The following FER variants were observed in gnomAD, a reference collection of about 807,000 sequenced individuals.
FER encodes tyrosine-protein kinase Fer.
A neutral mutation model predicts 111.0 loss-of-function variants in FER; 63 were observed. The observed-to-expected ratio is 0.57, with a 90% CI of 0.46 to 0.70. The LOEUF (loss-of-function observed/expected upper bound fraction) is 0.70. FER is among the 30% of genes least tolerant of loss of function. The pLI is 0.00. For missense variants in FER, 914 were observed against 954.0 expected, an observed-to-expected ratio of 0.96 and a Z score of 0.55; for synonymous variants, 327 against 313.9, an observed-to-expected ratio of 1.04 and a Z score of -0.44.
chr5:109,186,542 C>T (rs1276436173), intron 19 of FER, among the ~76,000 whole-genome samples: 1 of 152,158 alleles, frequency 6.6e-6, no homozygotes, highest in East Asian at 1.9e-4. Flanking sequence ...TTTTCTTCCA[C>T]CCTTTCCCTG....
chr5:108,817,986 A>T (rs1758454022), intron 3 of FER: 1 of 152,130 alleles, frequency 6.6e-6, no homozygotes, highest in African/African-American at 2.4e-5. Flanking sequence ...GTATGCAATG[A>T]TCTCGTTTTT....
Position 108,795,558 on chromosome 5 carries a change from ATTG to A in FER, c.-59-2557_-59-2555del, listed in dbSNP as rs200866027. On this transcript the variant is annotated intron_variant, in intron 2 of 19. Coordinates refer to ENST00000281092, the MANE Select transcript of FER (RefSeq NM_005246.4). ...TTATTCTCTTTTATTCTTTTTTTTA[ATTG>A]TTGTTGTTCCCTCTGACTATTTTTA... is the stretch of plus-strand genomic sequence containing the variant. Among the ~76,000 whole-genome samples the A allele has an allele frequency of 7.1e-3, 1,075 of 150,906 alleles. 8 individuals are homozygous for A. The highest frequency in any genetic ancestry group is 0.025 in the African/African-American group (1,038 of 41,120).
At chr5:109,092,895 G>T (rs1561884969) in intron 16 of FER, among the ~76,000 whole-genome samples, 1 of 152,096 alleles carries the variant, frequency 6.6e-6, no homozygotes, top group Non-Finnish European at 1.5e-5. Context: ...AGAAAATGGG[G>T]TATATATATA....
intron 8 of FER, among the ~76,000 whole-genome samples, chr5:108,874,837 T>C (rs1021559558): frequency 1.3e-5 from 2 of 152,048 alleles, no homozygotes; most frequent in Non-Finnish European, 1.5e-5. Flanking sequence ...TAAAAAGAAA[T>C]AGGCTATTTA....
chr5:108,871,472 C>A lies in FER; in HGVS notation c.773C>A (p.Thr258Lys). The change falls in exon 7 of 20, where the codon ACA becomes AAA. Residue 258 changes from threonine to lysine, a missense_variant. Transcript: ENST00000281092. Reference protein sequence around the residue: ...QMSVEQIDPSTEYNNFIDVHR... With the variant: ...QMSVEQIDPSKEYNNFIDVHR... The stretch of plus-strand genomic sequence containing the variant: ...TCGGTTGAACAGATAGATCCTAGTA[C>A]AGAATACAATAATTTCATAGATGTT... 6.2e-7 allele frequency: 1 copy of A among 1,608,502 alleles called. No individual in the cohort carries two copies. The highest frequency in any genetic ancestry group is 2.2e-5 in the East Asian group (1 of 44,634).
intron 17 of FER, among the ~76,000 whole-genome samples, chr5:109,118,191 A>G (rs1750506157): frequency 6.6e-6 from 1 of 152,128 alleles, no homozygotes; most frequent in African/African-American, 2.4e-5. Flanking sequence ...TCAATACCTA[A>G]TTCATTGAGA....
intron 2 of FER, chr5:108,785,023 T>C (rs991172634): frequency 4.0e-5 from 13 of 328,738 alleles, no homozygotes; most frequent in Non-Finnish European, 6.5e-5. Flanking sequence ...TGTATGCAGA[T>C]ACACTGTCTA....
At chr5:109,101,178 A>G (rs1748187270) in intron 17 of FER, among the ~76,000 whole-genome samples, 1 of 151,954 alleles carries the variant, frequency 6.6e-6, no homozygotes, top group Non-Finnish European at 1.5e-5. Flanking sequence ...ATGTCAGTAC[A>G]ATTTATGATC....
chr5:108,849,167 T>G (rs2150181445), intron 5 of FER, among the ~76,000 whole-genome samples: 1 of 152,232 alleles, frequency 6.6e-6, no homozygotes, highest in East Asian at 1.9e-4. Context: ...TTTTTGAGCT[T>G]CTTGTATTTG....
At chr5:109,152,752 A>C (rs76785806) in intron 17 of FER, among the ~76,000 whole-genome samples, 17,140 of 151,946 alleles carry the variant, frequency 0.11, 947 homozygotes, top group Non-Finnish European at 0.12. Context: ...CAGGAAAGCA[A>C]AGCCCTTTCA....
chr5:109,004,038 A>T (rs1765179260), intron 13 of FER, among the ~76,000 whole-genome samples: 1 of 152,196 alleles, frequency 6.6e-6, no homozygotes, highest in African/African-American at 2.4e-5. Context: ...CAAATTGACA[A>T]ATATTAGAAA....
rs185520599 is a variant in FER, at chr5:109,001,494, A to G, written c.1657-35928A>G. Among the ~76,000 whole-genome samples the G allele has an allele frequency of 5.6e-3, 852 of 152,354 alleles. 8 individuals are homozygous for G. The highest frequency in any genetic ancestry group is 7.1e-3 in the Non-Finnish European group (485 of 68,028). On this transcript the variant is annotated intron_variant, in intron 13 of 19. Coordinates refer to ENST00000281092, the MANE Select transcript of FER (RefSeq NM_005246.4). ...TGATGGGACATATCTCAAAGTAATA[A>G]GAGCTATCTATGACAAACCCACTGC...
chr5:109,104,392 T>C (rs1748626937), intron 17 of FER, among the ~76,000 whole-genome samples: 1 of 152,198 alleles, frequency 6.6e-6, no homozygotes, highest in Non-Finnish European at 1.5e-5. Context: ...AAAGAGATAG[T>C]CAATTTTGTG....
At chr5:108,806,641 A>T (rs1053504467) in intron 3 of FER, among the ~76,000 whole-genome samples, 2 of 152,106 alleles carry the variant, frequency 1.3e-5, no homozygotes, top group African/African-American at 4.8e-5. Flanking sequence ...GTCAAAGGAG[A>T]TCATTTTGGA....
chr5:108,995,692 T>C (rs1763899273), intron 13 of FER, among the ~76,000 whole-genome samples: 1 of 152,200 alleles, frequency 6.6e-6, no homozygotes, highest in Admixed American at 6.5e-5. Flanking sequence ...TGGTTCCAAG[T>C]CTTTGCTATT....
intron 16 of FER, chr5:109,052,177 G>A: frequency 6.2e-7 from 1 of 1,608,344 alleles, no homozygotes; most frequent in East Asian, 2.2e-5. Flanking sequence ...GAACACATGA[G>A]CCAGGTACAA....
rs149827813 is a variant in FER, at chr5:109,102,426, G to T, written c.2048+1907G>T. ...TTAGTGAATGGTAGTGGCTCTCCCT[G>T]TATATGTTGAGAAGAATTCTAGGAA... On this transcript the variant is annotated intron_variant, in intron 17 of 19. Coordinates refer to ENST00000281092, the MANE Select transcript of FER (RefSeq NM_005246.4). Among the ~76,000 whole-genome samples, 544 of 152,140 alleles carry T rather than the reference G, an allele frequency of 3.6e-3. 3 individuals carry two copies. The highest frequency in any genetic ancestry group is 6.8e-3 in the Middle Eastern group (2 of 294).
intron 2 of FER, among the ~76,000 whole-genome samples, chr5:108,769,566 AG>A (rs1314214167): frequency 1.2e-4 from 19 of 152,260 alleles, no homozygotes; most frequent in Admixed American, 7.8e-4. Flanking sequence ...TTAGGAGCTG[AG>A]GTGAGATAGT....
At chr5:109,148,644 T>A (rs545328062) in intron 17 of FER, among the ~76,000 whole-genome samples, 2 of 152,222 alleles carry the variant, frequency 1.3e-5, no homozygotes, top group Non-Finnish European at 2.9e-5. Flanking sequence ...AGAAAGTTTT[T>A]CACTAAAAGT....
Sources: gnomAD v4.1 joint callset for allele counts (sites outside exome capture counted in the v4.1 genomes callset) on GRCh38, gnomAD v4.1.1 for gene constraint, MANE v1.5 for transcripts, NCBI Gene and HGNC (gene_info 2026-07-23, HGNC 2026-07-21) for gene names.